The following KIF19 variants were observed in gnomAD, a reference collection of about 807,000 sequenced individuals.
KIF19 encodes kinesin family member 19.
Under a neutral mutation model 106.6 loss-of-function variants are expected in KIF19, and 98 were observed. The ratio of observed to expected loss-of-function variants is 0.92; its 90% confidence interval spans 0.78 to 1.09. KIF19 has a LOEUF of 1.09. KIF19 is among the 50% of genes least tolerant of loss of function. The probability of loss-of-function intolerance (pLI) is 0.00; values close to 1 mark genes in which losing one functional copy is unlikely to be tolerated. For missense variants in KIF19, 1,373 were observed against 1,414.3 expected (o/e 0.97, Z 0.47); for synonymous variants, 516 against 584.2 (o/e 0.88, Z 1.68).
In KIF19 at chr17:74,343,094, C is replaced by T. The variant is rs1213178790; in HGVS notation, c.390C>T (p.Asp130=). The T allele has an allele frequency of 1.2e-6, 2 of 1,613,236 alleles. No individual in the cohort carries two copies. The highest frequency in any genetic ancestry group is 2.7e-5 in the African/African-American group (2 of 74,916). ...EPGIYVQTLN[D]LFRAIEETSN... is the part of the protein sequence containing the mutation. ...GCATCTATGTTCAGACCCTCAACGA[C>T]CTCTTCCGTGCCATCGAGGAGACCA... Residue 130 remains aspartate (D), a synonymous_variant, in exon 5 of 20, where the codon GAC becomes GAT. Coordinates refer to ENST00000389916, the MANE Select transcript of KIF19 (RefSeq NM_153209.4).
At chr17:74,349,679 C>T (rs547819628) in intron 10 of KIF19, among the ~76,000 whole-genome samples, 2 of 152,326 alleles carry the variant, frequency 1.3e-5, no homozygotes, top group South Asian at 2.1e-4. Flanking sequence ...CATGCCTGCA[C>T]CCCCGGAATG....
chr17:74,355,378 G>C lies in KIF19; in HGVS notation c.*66G>C. 6.8e-7 allele frequency: 1 copy of C among 1,478,476 alleles called. No homozygotes were observed. Among genetic ancestry groups the C allele is most frequent in the Non-Finnish European group, 9.0e-7 (1 of 1,112,370 alleles). The allele number at this position is 1,478,476 out of a possible 1,614,324, so 91.6% of individuals were successfully genotyped here. On this transcript the variant is annotated 3_prime_UTR_variant, in exon 20 of 20. Coordinates refer to ENST00000389916, the MANE Select transcript of KIF19 (RefSeq NM_153209.4). ...GAATGGGGTCTAGCAGGGCATGGGA[G>C]GTGGAGGCTGGGCAGATGGAGATGA...
Position 74,347,693 on chromosome 17 carries a change from C to A in KIF19, c.925-84C>A, listed in dbSNP as rs968614997. ...TGTAAAGAGACAGAGAGATTGCACT[C>A]GCCAGGGAGGGCATCGTGAACAGCC... is the stretch of plus-strand genomic sequence containing the variant. On this transcript the variant is annotated intron_variant, in intron 8 of 19. Coordinates refer to ENST00000389916, the MANE Select transcript of KIF19 (RefSeq NM_153209.4). 6 of 1,487,818 alleles carry A rather than the reference C, an allele frequency of 4.0e-6. No homozygotes were observed. In the South Asian group the frequency reaches 6.3e-5, roughly 16 times the overall value. 92.2% of individuals were successfully genotyped at this position (1,487,818 alleles called of 1,614,324 possible).
rs951020046 is a variant in KIF19 at position 74,346,940 on chromosome 17, A to C, written c.924+416A>C. On this transcript the variant is annotated intron_variant, in intron 8 of 19. Coordinates refer to ENST00000389916, the MANE Select transcript of KIF19 (RefSeq NM_153209.4). The surrounding 1 kb of genome is among the most constrained non-coding windows in gnomAD (Gnocchi z 4.6). ...CTTGGCCTTAAATTATAGCAGCATCACTGAGCGCCCACTCCTGGCTGGTCT... is the reference window on the plus strand; with the variant it reads ...CTTGGCCTTAAATTATAGCAGCATCCCTGAGCGCCCACTCCTGGCTGGTCT... 3.9e-5 allele frequency among the ~76,000 whole-genome samples: 6 copies of C among 152,146 alleles called. No individual in the cohort carries two copies. Among genetic ancestry groups the C allele is most frequent in the African/African-American group, 1.4e-4 (6 of 41,412 alleles).
chr17:74,337,790 G>A (rs1316998526), intron 2 of KIF19, among the ~76,000 whole-genome samples: 4 of 152,204 alleles, frequency 2.6e-5, no homozygotes, highest in African/African-American at 9.6e-5. Context: ...CCTGGCCTGA[G>A]CACCCCATGC....
At chr17:74,330,887 C>T (rs1213225503) in intron 2 of KIF19, among the ~76,000 whole-genome samples, 2 of 152,150 alleles carry the variant, frequency 1.3e-5, no homozygotes, top group East Asian at 1.9e-4. Context: ...ATGCAAACTC[C>T]CTGTGGGCTT....
chr17:74,352,985 A>C (rs759537873), intron 15 of KIF19, 31 bp downstream of exon 15: 1 of 1,612,024 alleles, frequency 6.2e-7, no homozygotes, highest in African/African-American at 1.3e-5. Context: ...CCCAGCCCCC[A>C]CCCTGTGCCC....
At chr17:74,344,134 C>A in intron 5 of KIF19, 89 bp from the exon 6 acceptor site, 1 of 1,284,862 alleles carries the variant, frequency 7.8e-7, no homozygotes, top group Non-Finnish European at 1.1e-6. Flanking sequence ...TGTCCCTTTC[C>A]TGCACGAAAG....
chr17:74,326,430 T>C (rs899487555), intron 1 of KIF19, 42 bp downstream of exon 1: 6 of 1,592,576 alleles, frequency 3.8e-6, no homozygotes, highest in Non-Finnish European at 5.2e-6. Context: ...CGCTCCGTGG[T>C]CTACTTCAGT....
chr17:74,342,527 C>G, intron 3 of KIF19, 103 bp from the exon 4 acceptor site: 5 of 853,382 alleles, frequency 5.9e-6, no homozygotes, highest in South Asian at 2.9e-5. Flanking sequence ...GGCTGGGGCT[C>G]CAGGGACAGA....
chr17:74,347,897 AG>A lies in KIF19; in HGVS notation c.1047+1del, dbSNP rs754443387. ...YAGRAKNIKT[R>X]VKQNLLNVSY... ...CGGCCGGGCCAAGAACATTAAGACTAGGGTGAGGGCCCCTGGACCGTCCACC... is the reference window on the plus strand; with the variant it reads ...CGGCCGGGCCAAGAACATTAAGACTAGGTGAGGGCCCCTGGACCGTCCACC... On this transcript the variant is annotated frameshift_variant and splice_region_variant, in exon 9 of 20. Transcript: ENST00000389916. LOFTEE classifies it high-confidence loss of function. The A allele has an allele frequency of 4.7e-5, 75 of 1,580,088 alleles. No homozygotes were observed. In the South Asian group the frequency reaches 8.4e-4, roughly 18 times the overall value.
rs1451122768 is a variant in KIF19 at position 74,326,280 on chromosome 17, C to T, written c.-70C>T. The T allele has an allele frequency of 8.2e-6, 12 of 1,468,994 alleles. No individual in the cohort carries two copies. The African/African-American group carries it at 1.5e-4, about 18-fold the overall frequency. The allele number at this position is 1,468,994 out of a possible 1,614,324, so 91.0% of individuals were successfully genotyped here. A position where few individuals can be genotyped will look rare whatever the true frequency, so the allele number is the denominator to read the frequency against. Reference sequence around the variant, plus strand: ...GCAGCTAGCAGCTGGCGGACGCGACCCGGAGGCGGTGGGGGTGCGGCTGAG... The same window carrying T: ...GCAGCTAGCAGCTGGCGGACGCGACTCGGAGGCGGTGGGGGTGCGGCTGAG... On this transcript the variant is annotated 5_prime_UTR_variant, in exon 1 of 20. Coordinates refer to ENST00000389916, the MANE Select transcript of KIF19 (RefSeq NM_153209.4).
At position 74,346,399 on chromosome 17, in the gene KIF19, A is replaced by G; in HGVS notation, c.799A>G (p.Met267Val). 1 of 1,576,588 alleles carries G rather than the reference A, an allele frequency of 6.3e-7. No homozygotes were observed. Among genetic ancestry groups the G allele is most frequent in the Non-Finnish European group, 8.6e-7 (1 of 1,161,408 alleles). Reference protein sequence around the residue: ...ASQTQNRGQRMKEGAHINRSL... With the variant: ...ASQTQNRGQRVKEGAHINRSL... ...CTAGACACAGAATCGTGGGCAGCGT[A>G]TGAAGGAGGGGGCCCACATCAACCG... The change falls in exon 8 of 20, where the codon ATG (methionine) becomes GTG (valine). Residue 267 changes from methionine to valine, a missense_variant. Physicochemically the swap from Met to Val is conservative, Grantham distance 21. Around this residue, in one of 3 missense-constraint regions of KIF19, gnomAD observed 348 missense variants for 389.5 expected, o/e 0.89. Transcript: ENST00000389916. This position sits in a 1 kb window ranked among gnomAD's most constrained non-coding sequence, Gnocchi z 4.6.
chr17:74,340,416 G>C lies in KIF19; in HGVS notation c.121-1460G>C, dbSNP rs1356198138. ...GGCTGAGTACACACCAAGTGCACAG[G>C]GGCAGAGGCAGGGGCAGAGTGGAGC... On this transcript the variant is annotated intron_variant, in intron 2 of 19. Coordinates refer to ENST00000389916, the MANE Select transcript of KIF19 (RefSeq NM_153209.4). Among the ~76,000 whole-genome samples the C allele has an allele frequency of 2.0e-5, 3 of 152,170 alleles. No homozygotes were observed. The East Asian group carries it at 5.8e-4, about 29-fold the overall frequency.
In KIF19 at chr17:74,331,603, G is replaced by A. The variant is rs554392075; in HGVS notation, c.120+3098G>A. Among the ~76,000 whole-genome samples the A allele has an allele frequency of 4.0e-5, 6 of 151,320 alleles. No individual in the cohort carries two copies. In the South Asian group the frequency reaches 1.3e-3, roughly 32 times the overall value. Reference sequence around the variant, plus strand: ...ATTTTTTTTTTTTTCTTGTGATGGAGTCTTGCTCTGTCACCTAGGCTGGAG... The same window carrying A: ...ATTTTTTTTTTTTTCTTGTGATGGAATCTTGCTCTGTCACCTAGGCTGGAG... On this transcript the variant is annotated intron_variant, in intron 2 of 19. Transcript: ENST00000389916. This position sits in a 1 kb window ranked among gnomAD's most constrained non-coding sequence, Gnocchi z 4.1.
intron 2 of KIF19, chr17:74,328,721 C>T (rs1373870634): frequency 7.8e-6 from 4 of 511,320 alleles, no homozygotes; most frequent in Non-Finnish European, 1.4e-5. Flanking sequence ...CTGGGAGCTT[C>T]CCTAGCCTGG....
chr17:74,326,971 G>A (rs1239765608), intron 1 of KIF19, among the ~76,000 whole-genome samples: 1 of 152,224 alleles, frequency 6.6e-6, no homozygotes, highest in Non-Finnish European at 1.5e-5. Context: ...TGGGGCCTGG[G>A]ACAGATGGGG....
At chr17:74,352,755 G>T in intron 14 of KIF19, 66 bp from the exon 15 acceptor site, 1 of 1,593,626 alleles carries the variant, frequency 6.3e-7, no homozygotes, top group Non-Finnish European at 8.6e-7. Context: ...AAGCCTTTGT[G>T]ACTCTGTGCT....
At chr17:74,345,447 C>T (rs909683277) in intron 7 of KIF19, among the ~76,000 whole-genome samples, 3 of 152,098 alleles carry the variant, frequency 2.0e-5, no homozygotes, top group Non-Finnish European at 4.4e-5. Context: ...AGAAGGTCCC[C>T]GTCACCCATT....
Sources: allele counts gnomAD v4.1 joint callset (sites outside exome capture counted in the v4.1 genomes callset), GRCh38; gene constraint gnomAD v4.1.1; regional missense constraint gnomAD v4.1.1; non-coding constraint Gnocchi (gnomAD v3.1); transcripts MANE v1.5; gene names NCBI Gene and HGNC (gene_info 2026-07-23, HGNC 2026-07-21).